EPB41L3: variants seen among roughly 807,000 people sequenced by gnomAD.
EPB41L3 encodes band 4.1-like protein 3.
In EPB41L3, 57 loss-of-function variants were observed where a neutral mutation model predicts 127.1. That is an observed-to-expected ratio of 0.45 (90% confidence interval 0.36 to 0.56). The LOEUF (loss-of-function observed/expected upper bound fraction) is 0.56. Among genes scored for constraint, EPB41L3 ranks in the 20% least tolerant of loss-of-function variants. The pLI is 0.00. For synonymous variants in EPB41L3, 572 were observed against 549.5 expected, an observed-to-expected ratio of 1.04 and a Z score of -0.57; for missense variants, 1,273 against 1,372.2, an observed-to-expected ratio of 0.93 and a Z score of 1.14.
intron 3 of EPB41L3, among the ~76,000 whole-genome samples, chr18:5,447,853 CT>C (rs113577794): frequency 3.9e-5 from 6 of 152,302 alleles, no homozygotes; most frequent in African/African-American, 1.4e-4. Flanking sequence ...TAGACCAGAT[CT>C]TTTCTTACTG....
intron 3 of EPB41L3, among the ~76,000 whole-genome samples, chr18:5,596,387 T>C (rs914413580): frequency 2.0e-5 from 3 of 152,164 alleles, no homozygotes; most frequent in African/African-American, 7.2e-5. Context: ...ATTTCCTATA[T>C]TACAAAAGTA....
intron 3 of EPB41L3, among the ~76,000 whole-genome samples, chr18:5,455,389 CT>C (rs898124999): frequency 6.6e-6 from 1 of 152,000 alleles, no homozygotes; most frequent in African/African-American, 2.4e-5. Flanking sequence ...TTCAATTTTT[CT>C]TTTCAAACAC....
At chr18:5,557,973 T>G (rs1248803201) in intron 3 of EPB41L3, among the ~76,000 whole-genome samples, 1 of 152,240 alleles carries the variant, frequency 6.6e-6, no homozygotes, top group Non-Finnish European at 1.5e-5. Context: ...CAAAAAGTAG[T>G]TCCAACAAGA....
chr18:5,465,984 A>AG (rs397754808), intron 3 of EPB41L3, among the ~76,000 whole-genome samples: 1 of 151,602 alleles, frequency 6.6e-6, no homozygotes, highest in Non-Finnish European at 1.5e-5. Context: ...AAAAAAAAAA[A>AG]GTAGGAAAAA....
At chr18:5,590,096 AAAG>A (rs1450756895) in intron 3 of EPB41L3, among the ~76,000 whole-genome samples, 3 of 152,176 alleles carry the variant, frequency 2.0e-5, no homozygotes, top group South Asian at 2.1e-4. Context: ...AAAATGGGAG[AAAG>A]AAGAAGGACA....
chr18:5,622,951 ATTTTTT>A (rs10622515), intron 1 of EPB41L3, among the ~76,000 whole-genome samples: 2 of 76,052 alleles, frequency 2.6e-5, no homozygotes, highest in African/African-American at 1.1e-4. Flanking sequence ...CATAATGCTG[ATTTTTT>A]TTTTTTTTTT....
At chr18:5,457,893 G>A (rs575173254) in intron 3 of EPB41L3, among the ~76,000 whole-genome samples, 1 of 152,276 alleles carries the variant, frequency 6.6e-6, no homozygotes, top group South Asian at 2.1e-4. Context: ...TGTTTTCATA[G>A]CTCCTGCGTT....
At chr18:5,484,267 G>A (rs1252181836) in intron 2 of EPB41L3, among the ~76,000 whole-genome samples, 1 of 150,362 alleles carries the variant, frequency 6.7e-6, no homozygotes, top group East Asian at 1.9e-4. Context: ...AAGAAACTAA[G>A]AAGTTAAAAA....
chr18:5,476,123 A>G (rs548110423), intron 3 of EPB41L3, among the ~76,000 whole-genome samples: 1 of 152,212 alleles, frequency 6.6e-6, no homozygotes, highest in Admixed American at 6.5e-5. Context: ...CATTTTTCTC[A>G]TTCAACCAAT....
chr18:5,454,195 T>C (rs953820030), intron 3 of EPB41L3, among the ~76,000 whole-genome samples: 2 of 151,026 alleles, frequency 1.3e-5, no homozygotes, highest in Admixed American at 1.3e-4. Flanking sequence ...AGTGTGTTTT[T>C]TTTTTGTTTC....
At chr18:5,470,364 A>C (rs189659732) in intron 3 of EPB41L3, among the ~76,000 whole-genome samples, 1 of 152,238 alleles carries the variant, frequency 6.6e-6, no homozygotes, top group South Asian at 2.1e-4. Flanking sequence ...ACTTTACATT[A>C]AAGTCCCTGC....
intron 3 of EPB41L3, 109 bp downstream of exon 3, chr18:5,478,132 A>G: frequency 1.1e-6 from 1 of 900,520 alleles, no homozygotes; most frequent in Non-Finnish European, 1.7e-6. Flanking sequence ...ACTGGGTTTG[A>G]GTAATTTTCC....
At position 5,543,501 on chromosome 18, in the gene EPB41L3, G is replaced by A. The variant is rs1055425680; in HGVS notation, c.-12+412C>T. On this transcript the variant is annotated intron_variant, in intron 1 of 22. Coordinates refer to ENST00000341928, the MANE Select transcript of EPB41L3 (RefSeq NM_012307.5). This position sits in a 1 kb window ranked among gnomAD's most constrained non-coding sequence, Gnocchi z 5.2. ...GGCCCGCGCTCGCCCCCAGCCCGAG[G>A]GGCAACTTAAAACATGGCGCCCCGG... 2 of 147,360 alleles carry A rather than the reference G, an allele frequency of 1.4e-5. No homozygotes were observed. The highest frequency in any genetic ancestry group is 2.4e-5 in the African/African-American group (1 of 40,980). 9.1% of individuals were successfully genotyped at this position (147,360 alleles called of 1,614,324 possible).
chr18:5,527,910 T>C (rs531779003), intron 1 of EPB41L3, among the ~76,000 whole-genome samples: 2 of 152,266 alleles, frequency 1.3e-5, no homozygotes, highest in South Asian at 2.1e-4. Flanking sequence ...ATACTACAGA[T>C]ATCAACATAC....
intron 3 of EPB41L3, among the ~76,000 whole-genome samples, chr18:5,457,479 T>C (rs2083291000): frequency 6.6e-6 from 1 of 151,728 alleles, no homozygotes; most frequent in African/African-American, 2.4e-5. Context: ...GAAGTGAAAA[T>C]TTAGGGAGGT....
At chr18:5,571,921 G>C (rs1403546370) in intron 3 of EPB41L3, among the ~76,000 whole-genome samples, 2 of 152,338 alleles carry the variant, frequency 1.3e-5, no homozygotes, top group South Asian at 4.1e-4. Context: ...GAAGGATATA[G>C]GGACTGCCTG....
intron 1 of EPB41L3, among the ~76,000 whole-genome samples, chr18:5,621,078 G>C (rs2094855590): frequency 6.6e-6 from 1 of 152,160 alleles, no homozygotes; most frequent in Non-Finnish European, 1.5e-5. Context: ...CCAGACCTCA[G>C]GGAAGCAGGA....
intron 1 of EPB41L3, among the ~76,000 whole-genome samples, chr18:5,517,929 C>T (rs1199604118): frequency 6.6e-6 from 1 of 152,126 alleles, no homozygotes; most frequent in Non-Finnish European, 1.5e-5. Context: ...GGGCTTGGTC[C>T]TTGGAACTCT....
At chr18:5,412,081 G>A (rs139200196) in intron 13 of EPB41L3, among the ~76,000 whole-genome samples, 38 of 152,298 alleles carry the variant, frequency 2.5e-4, no homozygotes, top group Admixed American at 9.8e-4. Flanking sequence ...TGGCTGTACC[G>A]AGTGACAGCC....
Sources: allele counts gnomAD v4.1 joint callset (sites outside exome capture counted in the v4.1 genomes callset), GRCh38; gene constraint gnomAD v4.1.1; non-coding constraint Gnocchi (gnomAD v3.1); transcripts MANE v1.5; gene names NCBI Gene and HGNC (gene_info 2026-07-23, HGNC 2026-07-21).